Variants in WWOX observed in about 807,000 individuals in gnomAD.
The protein encoded by WWOX is WW domain-containing oxidoreductase.
A neutral mutation model predicts 46.2 loss-of-function variants in WWOX; 69 were observed. The observed-to-expected ratio is 1.49, with a 90% CI of 1.23 to 1.82. The LOEUF (loss-of-function observed/expected upper bound fraction) is 1.82, where lower values mean the gene tolerates loss of function less well. WWOX is among the 40% of genes most tolerant of loss of function. The pLI, the probability that WWOX is intolerant of heterozygous loss-of-function variation, is 0.00. For missense variants in WWOX, 919 were observed against 542.6 expected (o/e 1.69, Z -6.89); for synonymous variants, 359 against 202.6 (o/e 1.77, Z -6.56).
intron 8 of WWOX, among the ~76,000 whole-genome samples, chr16:78,854,693 G>C (rs546612390): frequency 6.6e-6 from 1 of 152,130 alleles, no homozygotes; most frequent in Non-Finnish European, 1.5e-5. Context: ...TGATTCTCCT[G>C]CCTCAGCCTC....
At chr16:79,007,555 G>A (rs780346562) in intron 8 of WWOX, among the ~76,000 whole-genome samples, 1 of 152,308 alleles carries the variant, frequency 6.6e-6, no homozygotes, top group Admixed American at 6.5e-5. Flanking sequence ...ATCCATAACC[G>A]AATCCCCACT....
intron 8 of WWOX, among the ~76,000 whole-genome samples, chr16:78,529,649 A>G (rs947374143): frequency 1.3e-5 from 2 of 151,504 alleles, no homozygotes; most frequent in Non-Finnish European, 2.9e-5. Context: ...TTTTATTTTT[A>G]GTAGAGATGG....
intron 6 of WWOX, among the ~76,000 whole-genome samples, chr16:78,392,048 C>T (rs1597153048): frequency 6.6e-6 from 1 of 150,688 alleles, no homozygotes; most frequent in Non-Finnish European, 1.5e-5. Context: ...ATTTAAGGGA[C>T]CAGGGTGTTC....
intron 8 of WWOX, among the ~76,000 whole-genome samples, chr16:78,663,938 G>C (rs1567473573): frequency 1.3e-5 from 2 of 152,158 alleles, no homozygotes; most frequent in South Asian, 4.1e-4. Flanking sequence ...CTATCAAGAG[G>C]GGGGCCAACC....
At chr16:78,869,939 C>T (rs531556136) in intron 8 of WWOX, among the ~76,000 whole-genome samples, 22 of 152,298 alleles carry the variant, frequency 1.4e-4, no homozygotes, top group South Asian at 1.0e-3. Flanking sequence ...ACGTCAGTGC[C>T]TTGGGAGTCT....
chr16:78,992,968 T>G (rs559462432), intron 8 of WWOX, among the ~76,000 whole-genome samples: 1 of 152,256 alleles, frequency 6.6e-6, no homozygotes, highest in South Asian at 2.1e-4. Context: ...AAAAAATTAT[T>G]CAGTGACTTC....
At chr16:79,052,401 G>A (rs977002427) in intron 8 of WWOX, among the ~76,000 whole-genome samples, 2 of 152,240 alleles carry the variant, frequency 1.3e-5, no homozygotes, top group Admixed American at 6.5e-5. Flanking sequence ...AGTATTCCAT[G>A]GTGTATATGT....
chr16:78,865,186 C>T (rs1316640720), intron 8 of WWOX, among the ~76,000 whole-genome samples: 1 of 152,044 alleles, frequency 6.6e-6, no homozygotes, highest in Non-Finnish European at 1.5e-5. Context: ...TATGTTTGTG[C>T]GATGGATATG....
intron 5 of WWOX, among the ~76,000 whole-genome samples, chr16:78,240,439 T>C (rs1030773133): frequency 6.6e-6 from 1 of 152,112 alleles, no homozygotes; most frequent in African/African-American, 2.4e-5. Context: ...GCCACGGTCA[T>C]GGGCAGCCCC....
intron 8 of WWOX, among the ~76,000 whole-genome samples, chr16:78,500,550 C>T (rs1223945732): frequency 1.3e-5 from 2 of 152,060 alleles, no homozygotes; most frequent in African/African-American, 4.8e-5. Context: ...CAGGTGCATG[C>T]TGCTGGAACA....
intron 8 of WWOX, among the ~76,000 whole-genome samples, chr16:78,951,368 C>G (rs371096085): frequency 9.8e-4 from 149 of 152,194 alleles, no homozygotes; most frequent in African/African-American, 3.3e-3. Context: ...ACGGCTGACT[C>G]TCATTGGCCC....
chr16:78,288,038 T>G (rs2079798150), intron 5 of WWOX, among the ~76,000 whole-genome samples: 1 of 152,220 alleles, frequency 6.6e-6, no homozygotes, highest in Non-Finnish European at 1.5e-5. Flanking sequence ...CATTTTTTTC[T>G]TTAATTTAGC....
chr16:78,762,889 A>C (rs144759328), intron 8 of WWOX, among the ~76,000 whole-genome samples: 13 of 152,332 alleles, frequency 8.5e-5, no homozygotes, highest in African/African-American at 3.1e-4. Context: ...ATGGTAGTTA[A>C]CACCCAGTTT....
At chr16:78,786,034 G>A (rs1011892112) in intron 8 of WWOX, among the ~76,000 whole-genome samples, 3 of 152,184 alleles carry the variant, frequency 2.0e-5, no homozygotes, top group Admixed American at 1.3e-4. Context: ...AGCCTCCTGA[G>A]TAGCTGGGAA....
chr16:78,880,226 C>G lies in WWOX; in HGVS notation c.1057-331382C>G, dbSNP rs558430149. Among the ~76,000 whole-genome samples the G allele has an allele frequency of 4.4e-4, 67 of 152,268 alleles. 1 individual carries two copies. The highest frequency in any genetic ancestry group is 1.5e-3 in the African/African-American group (62 of 41,552). ...ATCTTTGCTGTATTTGCAGTTTTCTCTCTTATTAACATGAAAACACCTTAC... is the reference window on the plus strand; with the variant it reads ...ATCTTTGCTGTATTTGCAGTTTTCTGTCTTATTAACATGAAAACACCTTAC... On this transcript the variant is annotated intron_variant, in intron 8 of 8. Coordinates refer to ENST00000566780, the MANE Select transcript of WWOX (RefSeq NM_016373.4).
chr16:78,405,380 A>C (rs766019071), intron 6 of WWOX, among the ~76,000 whole-genome samples: 2 of 152,232 alleles, frequency 1.3e-5, no homozygotes, highest in Non-Finnish European at 2.9e-5. Context: ...TTCCCAGTTA[A>C]TTATTATTTT....
intron 8 of WWOX, among the ~76,000 whole-genome samples, chr16:78,619,146 T>A (rs370982128): frequency 0.59 from 1,953 of 3,288 alleles, 511 homozygotes; most frequent in Non-Finnish European, 0.64. Flanking sequence ...AAAAAAAATA[T>A]ATATATATAT....
intron 8 of WWOX, among the ~76,000 whole-genome samples, chr16:79,060,823 A>T (rs916624862): frequency 2.0e-5 from 3 of 152,182 alleles, no homozygotes; most frequent in Non-Finnish European, 2.9e-5. Context: ...CTGTGATTTG[A>T]GGGATAGTGG....
intron 8 of WWOX, among the ~76,000 whole-genome samples, chr16:79,095,860 CTTTTTTTTTTTT>C (rs775730124): frequency 1.7e-5 from 2 of 118,492 alleles, no homozygotes; most frequent in South Asian, 3.1e-4. Context: ...CTCTCTCTCT[CTTTTTTTTTTTT>C]TTTTTTTTTT....
Sources: gnomAD v4.1 joint callset for allele counts (sites outside exome capture counted in the v4.1 genomes callset) on GRCh38, gnomAD v4.1.1 for gene constraint, MANE v1.5 for transcripts, NCBI Gene and HGNC (gene_info 2026-07-23, HGNC 2026-07-21) for gene names.